MAGI1: variants seen among roughly 807,000 people sequenced by gnomAD.
The protein encoded by MAGI1 is membrane associated guanylate kinase, WW and PDZ domain containing 1.
In MAGI1, 58 loss-of-function variants were observed where a neutral mutation model predicts 139.9. That is an observed-to-expected ratio of 0.41 (90% CI 0.34 to 0.52). MAGI1 has a LOEUF of 0.52. Among genes scored for constraint, MAGI1 ranks in the 20% least tolerant of loss-of-function variants. The pLI, the probability that MAGI1 is intolerant of heterozygous loss-of-function variation, is 0.12. For synonymous variants in MAGI1, 812 were observed against 737.9 expected, an observed-to-expected ratio of 1.10 and a Z score of -1.63; for missense variants, 1,874 against 1,901.6, an observed-to-expected ratio of 0.99 and a Z score of 0.27.
At chr3:65,443,326 T>C (rs1445645097) in intron 7 of MAGI1, among the ~76,000 whole-genome samples, 1 of 152,218 alleles carries the variant, frequency 6.6e-6, no homozygotes, top group Non-Finnish European at 1.5e-5. Flanking sequence ...TTGTTCCTAA[T>C]GAAAATGCAG....
chr3:65,695,855 G>A (rs2089135825), intron 1 of MAGI1, among the ~76,000 whole-genome samples: 1 of 152,152 alleles, frequency 6.6e-6, no homozygotes, highest in Non-Finnish European at 1.5e-5. Flanking sequence ...TGTGATGTCT[G>A]CCATGAGTGT....
At chr3:65,435,260 G>A (rs1947752498) in intron 10 of MAGI1, among the ~76,000 whole-genome samples, 1 of 145,330 alleles carries the variant, frequency 6.9e-6, no homozygotes, top group African/African-American at 2.8e-5. Context: ...AAATAAGGAA[G>A]AAGAGAAAAA....
At chr3:65,984,778 G>A (rs551515051) in intron 1 of MAGI1, among the ~76,000 whole-genome samples, 2 of 147,744 alleles carry the variant, frequency 1.4e-5, no homozygotes, top group East Asian at 4.0e-4. Context: ...GAACTTCTGG[G>A]CCCAAGTGAT....
chr3:65,912,593 C>G (rs2061717923), intron 1 of MAGI1, among the ~76,000 whole-genome samples: 1 of 152,192 alleles, frequency 6.6e-6, no homozygotes, highest in Non-Finnish European at 1.5e-5. Flanking sequence ...AAGACCAGCA[C>G]CTGGAAAACC....
chr3:65,660,575 A>T (rs996851749), intron 1 of MAGI1, among the ~76,000 whole-genome samples: 3 of 152,228 alleles, frequency 2.0e-5, no homozygotes, highest in African/African-American at 7.2e-5. Context: ...AACAAAGATT[A>T]TTATTGTCTT....
At position 65,911,151 on chromosome 3, in the gene MAGI1, C is replaced by A. The variant is rs146987229; in HGVS notation, c.313+126845G>T. ...AGGATTACAAGAGTGAGCCACAGCG[C>A]CTGGCCTGGACATGGTGGACTTTTG... On this transcript the variant is annotated intron_variant, in intron 1 of 22. Transcript: ENST00000402939. Among the ~76,000 whole-genome samples, 310 of 152,062 alleles carry A rather than the reference C, an allele frequency of 2.0e-3. 1 individual carries two copies. The highest frequency in any genetic ancestry group is 6.5e-3 in the African/African-American group (271 of 41,464).
intron 2 of MAGI1, among the ~76,000 whole-genome samples, chr3:65,618,624 T>C (rs1472271898): frequency 2.0e-5 from 3 of 152,170 alleles, no homozygotes; most frequent in African/African-American, 7.2e-5. Flanking sequence ...ATCAGGCTAT[T>C]ACTAATAACA....
chr3:65,926,366 T>C (rs913701170), intron 1 of MAGI1, among the ~76,000 whole-genome samples: 1 of 149,990 alleles, frequency 6.7e-6, no homozygotes, highest in African/African-American at 2.5e-5. Context: ...TCTCTCTCTC[T>C]CTCCCTCTTT....
intron 1 of MAGI1, among the ~76,000 whole-genome samples, chr3:66,019,088 G>A (rs534447004): frequency 1.3e-5 from 2 of 152,314 alleles, no homozygotes; most frequent in South Asian, 4.1e-4. Context: ...TAGAATACAT[G>A]GATTATGGAT....
At chr3:65,502,128 G>A (rs952428093) in intron 2 of MAGI1, among the ~76,000 whole-genome samples, 1 of 152,138 alleles carries the variant, frequency 6.6e-6, no homozygotes, top group Non-Finnish European at 1.5e-5. Flanking sequence ...AACCCATAGC[G>A]CACACCACGA....
At chr3:65,777,701 C>G (rs1273916801) in intron 1 of MAGI1, among the ~76,000 whole-genome samples, 1 of 151,282 alleles carries the variant, frequency 6.6e-6, no homozygotes, top group African/African-American at 2.4e-5. Context: ...AAAATATGTT[C>G]GGTCTCCTAA....
rs2069067715 is a variant in MAGI1 at position 66,038,624 on chromosome 3, A to AC, written c.-317_-316insG. 3.2e-6 allele frequency: 1 copy of AC among 314,756 alleles called. No individual in the cohort carries two copies. The highest frequency in any genetic ancestry group is 2.2e-5 in the African/African-American group (1 of 46,262). The allele number at this position is 314,756 out of a possible 1,614,324, so 19.5% of individuals were successfully genotyped here. Reference sequence around the variant, plus strand: ...GAGTCCACTCTGCGCCGCTCGGGTTATTTTTTTTTCCTTCCTTCCTTTCTC... The same window carrying AC: ...GAGTCCACTCTGCGCCGCTCGGGTTACTTTTTTTTTCCTTCCTTCCTTTCTC... On this transcript the variant is annotated 5_prime_UTR_variant, in exon 1 of 23. Transcript: ENST00000402939.
intron 18 of MAGI1, 144 bp downstream of exon 18, chr3:65,375,601 G>C (rs1478231233): frequency 5.8e-6 from 4 of 693,426 alleles, no homozygotes; most frequent in Non-Finnish European, 9.7e-6. Flanking sequence ...GGTATATTTA[G>C]TTAGGGATGA....
At position 65,775,835 on chromosome 3, in the gene MAGI1, C is replaced by T. The variant is rs1008672604; in HGVS notation, c.314-153747G>A. Among the ~76,000 whole-genome samples the T allele has an allele frequency of 1.6e-4, 24 of 151,660 alleles. 1 individual carries two copies. Among genetic ancestry groups the T allele is most frequent in the South Asian group, 8.3e-4 (4 of 4,816 alleles). On this transcript the variant is annotated intron_variant, in intron 1 of 22. Coordinates refer to ENST00000402939, the MANE Select transcript of MAGI1 (RefSeq NM_001033057.2). ...GCACATGCCTGTAGTCCCAGCTATG[C>T]AATGGCTGAAGTGGGAGGATCACCT...
At chr3:65,853,371 T>C (rs1245085189) in intron 1 of MAGI1, among the ~76,000 whole-genome samples, 1 of 152,356 alleles carries the variant, frequency 6.6e-6, no homozygotes, top group East Asian at 1.9e-4. Flanking sequence ...GTTTAATGCA[T>C]TGATAGGTAA....
At chr3:65,800,454 T>C (rs1169759921) in intron 1 of MAGI1, among the ~76,000 whole-genome samples, 1 of 152,150 alleles carries the variant, frequency 6.6e-6, no homozygotes, top group Non-Finnish European at 1.5e-5. Context: ...GAGGGAAACC[T>C]TAGCAAAACC....
chr3:65,988,384 G>A (rs1404752252), intron 1 of MAGI1, among the ~76,000 whole-genome samples: 1 of 152,176 alleles, frequency 6.6e-6, no homozygotes, highest in African/African-American at 2.4e-5. Context: ...ATACCCCTAA[G>A]TACAGTGGCA....
rs11929410 is a variant in MAGI1 at position 65,478,006 on chromosome 3, T to G, written c.757+586A>C. ...TCAGTAATACATAGGCTATATAATA[T>G]AGAATGCATATATAGATATAATGTT... On this transcript the variant is annotated intron_variant, in intron 4 of 22. Transcript: ENST00000402939. Among the ~76,000 whole-genome samples, 755 of 152,114 alleles carry G rather than the reference T, an allele frequency of 5.0e-3. 5 individuals carry two copies. Among genetic ancestry groups the G allele is most frequent in the African/African-American group, 0.018 (731 of 41,522 alleles).
chr3:66,011,101 C>A (rs559182032), intron 1 of MAGI1, among the ~76,000 whole-genome samples: 7 of 152,314 alleles, frequency 4.6e-5, no homozygotes, highest in Admixed American at 1.3e-4. Flanking sequence ...GACTTTTCTT[C>A]CAGCTGATGA....
Sources: gnomAD v4.1 joint callset for allele counts (sites outside exome capture counted in the v4.1 genomes callset) on GRCh38, gnomAD v4.1.1 for gene constraint, MANE v1.5 for transcripts, NCBI Gene and HGNC (gene_info 2026-07-23, HGNC 2026-07-21) for gene names.